Variants in OBSL1 observed in about 807,000 individuals in gnomAD.
OBSL1 encodes obscurin like cytoskeletal adaptor 1.
OBSL1 carries 160 observed loss-of-function variants against 172.0 expected under a neutral mutation model. The ratio of observed to expected loss-of-function variants is 0.93; its 90% CI spans 0.82 to 1.06. OBSL1 has a LOEUF of 1.06. OBSL1 is among the 50% of genes least tolerant of loss of function. The probability of loss-of-function intolerance (pLI) is 0.00; values close to 1 mark genes in which losing one functional copy is unlikely to be tolerated. For missense variants in OBSL1, 2,681 were observed against 2,715.4 expected, an observed-to-expected ratio of 0.99 and a Z score of 0.28; for synonymous variants, 1,200 against 1,196.3, an observed-to-expected ratio of 1.00 and a Z score of -0.06.
Position 219,552,876 on chromosome 2 carries a change from G to A in OBSL1, c.5138C>T (p.Thr1713Ile). 6.5e-7 allele frequency: 1 copy of A among 1,542,606 alleles called. No individual in the cohort carries two copies. Among genetic ancestry groups the A allele is most frequent in the Admixed American group, 2.0e-5 (1 of 50,860 alleles). Residue 1713 changes from threonine to isoleucine, a missense_variant, in exon 17 of 21, where the codon ACC becomes ATC. Coordinates refer to ENST00000404537, the MANE Select transcript of OBSL1 (RefSeq NM_015311.3). ...CATCACCCCGTACCCACCGCGCACG[G>A]TCAGGCGGACCGGTCCGGCGCGGGC... The part of the protein sequence containing the change: ...GTARAGPVRL[T>I]VRERTVAVLS...
At chr2:219,549,197 G>T, downstream of OBSL1, 1 of 1,613,966 alleles carries the variant, frequency 6.2e-7, no homozygotes, top group South Asian at 1.1e-5. Flanking sequence ...ATGCGGATTC[G>T]GCAGCAGGAA....
chr2:219,549,931 C>T (rs1216736370), downstream of OBSL1: 9 of 1,559,140 alleles, frequency 5.8e-6, no homozygotes, highest in Admixed American at 1.6e-4. Context: ...CACTCAGCCT[C>T]CTGGCTTTGG....
Position 219,563,520 on chromosome 2 carries a change from G to A in OBSL1, c.2515C>T (p.Arg839Cys), listed in dbSNP as rs767675273. The A allele has an allele frequency of 5.0e-6, 8 of 1,613,810 alleles. No homozygotes were observed. The highest frequency in any genetic ancestry group is 2.2e-5 in the South Asian group (2 of 91,074). Residue 839 changes from arginine to cysteine, a missense_variant, in exon 7 of 21, where the codon CGT (arginine) becomes TGT (cysteine). Arg to Cys is a radical substitution (Grantham distance 180, BLOSUM62 -3). This residue lies in a region of OBSL1 where 1,765 missense variants were observed against 1,748.3 expected (regional missense o/e 1.01). Transcript: ENST00000404537. ...CEVDREDAPV[R>C]WYKDGQEVEE... Reference sequence around the variant, plus strand: ...ACCTCCTGCCCGTCCTTGTACCAACGCACAGGGGCGTCCTCTCGGTCCACC... The same window carrying A: ...ACCTCCTGCCCGTCCTTGTACCAACACACAGGGGCGTCCTCTCGGTCCACC...
intron 4 of OBSL1, 24 bp from the exon 5 acceptor site, chr2:219,567,150 T>C (rs777454910): frequency 6.2e-7 from 1 of 1,608,244 alleles, no homozygotes; most frequent in Non-Finnish European, 8.5e-7. Flanking sequence ...AGAGTGCAGC[T>C]GTCAGAACTA....
At position 219,571,346 on chromosome 2, in the gene OBSL1, G is replaced by A; in HGVS notation, c.-114C>T. 1 of 628,504 alleles carries A rather than the reference G, an allele frequency of 1.6e-6. No homozygotes were observed. Among genetic ancestry groups the A allele is most frequent in the Non-Finnish European group, 2.2e-6 (1 of 445,736 alleles). 38.9% of individuals were successfully genotyped at this position (628,504 alleles called of 1,614,324 possible). ...GGCGCGGCTGGGGACTGGGCGCGGGGACCCGCGGAGCTCTCCCGGGCCTCC... is the reference window on the plus strand; with the variant it reads ...GGCGCGGCTGGGGACTGGGCGCGGGAACCCGCGGAGCTCTCCCGGGCCTCC... On this transcript the variant is annotated 5_prime_UTR_variant, in exon 1 of 21. Transcript: ENST00000404537.
intron 8 of OBSL1, among the ~76,000 whole-genome samples, chr2:219,559,853 C>A (rs2129641): frequency 0.41 from 61,645 of 152,002 alleles, 12,870 homozygotes; most frequent in Admixed American, 0.48. Context: ...CAGATACAAG[C>A]ATATATCTAT....
intron 19 of OBSL1, 69 bp downstream of exon 19, chr2:219,552,043 A>G: frequency 6.9e-7 from 1 of 1,448,084 alleles, no homozygotes; most frequent in Non-Finnish European, 9.5e-7. Context: ...GGCCAGCCCC[A>G]AGTCCGTCAG....
downstream of OBSL1, chr2:219,550,021 G>A: frequency 2.1e-6 from 2 of 941,738 alleles, 1 homozygote; most frequent in South Asian, 3.7e-5. Context: ...TGGCCTGAGA[G>A]GAAAGCCCCC....
In OBSL1 at chr2:219,565,533, A is replaced by G. The variant is rs1017296186; in HGVS notation, c.2135-19T>C. 1 of 1,598,440 alleles carries G rather than the reference A, an allele frequency of 6.3e-7. No individual in the cohort carries two copies. Among genetic ancestry groups the G allele is most frequent in the Non-Finnish European group, 8.5e-7 (1 of 1,175,842 alleles). ...GGGCTCTCTGTGTGGGGAGAAGTAC[A>G]GATAAGCACCCCTCCCTCCGGTGCA... On this transcript the variant is annotated intron_variant, in intron 5 of 20. Transcript: ENST00000404537.
chr2:219,558,319 C>T lies in OBSL1; in HGVS notation c.3367G>A (p.Ala1123Thr). 1.2e-6 allele frequency: 2 copies of T among 1,612,720 alleles called. No homozygotes were observed. Among genetic ancestry groups the T allele is most frequent in the South Asian group, 1.1e-5 (1 of 90,854 alleles). Reference protein sequence around the residue: ...RWYKDGLEVEASDALQLGAEG... With the variant: ...RWYKDGLEVETSDALQLGAEG... ...GCACCCAGCTGCAGGGCATCTGATG[C>T]CTCCACTTCCAGCCCGTCCTTGTAC... Residue 1123 changes from alanine (A) to threonine (T), a missense_variant, in exon 10 of 21, where the codon GCA (alanine) becomes ACA (threonine). Around this residue, in one of 5 missense-constraint regions of OBSL1, gnomAD observed 1,765 missense variants for 1,748.3 expected, o/e 1.01. Transcript: ENST00000404537.
Position 219,570,335 on chromosome 2 carries a change from C to G in OBSL1, c.898G>C (p.Gly300Arg). Residue 300 changes from glycine (G) to arginine (R), a missense_variant, in exon 1 of 21, where the codon GGC becomes CGC. Gly to Arg is a moderately radical substitution (Grantham distance 125, BLOSUM62 -2). Coordinates refer to ENST00000404537, the MANE Select transcript of OBSL1 (RefSeq NM_015311.3). ...TAAAGCACCTTGAGCACGAAGCCGC[C>G]GTCGCGGTCGCGGTACATGAGGCGG... ...RRRLMYRDRD[G>R]GFVLKVLYCQ... 6.2e-7 allele frequency: 1 copy of G among 1,612,242 alleles called. No individual in the cohort carries two copies. The highest frequency in any genetic ancestry group is 8.5e-7 in the Non-Finnish European group (1 of 1,179,060).
chr2:219,559,668 G>T, intron 8 of OBSL1, 171 bp from the exon 9 acceptor site: 1 of 618,456 alleles, frequency 1.6e-6, no homozygotes, highest in Non-Finnish European at 2.7e-6. Context: ...GGGCCAGAGG[G>T]TGTTACAGAA....
intron 8 of OBSL1, chr2:219,561,933 C>T (rs1008041879): frequency 2.8e-6 from 2 of 717,472 alleles, no homozygotes; most frequent in East Asian, 2.7e-5. Context: ...GGACCAGAGC[C>T]GCCGGGTCTT....
In OBSL1 at chr2:219,556,112, C is replaced by T. The variant is rs745541555; in HGVS notation, c.4517G>A (p.Arg1506His). 25 of 1,613,792 alleles carry T rather than the reference C, an allele frequency of 1.5e-5. No individual in the cohort carries two copies. Among genetic ancestry groups the T allele is most frequent in the Admixed American group, 1.2e-4 (7 of 60,004 alleles). The change falls in exon 14 of 21, where the codon CGC becomes CAC. Residue 1506 changes from arginine to histidine, a missense_variant. By Grantham distance (29) the Arg-to-His change is conservative (BLOSUM62 0). Around this residue, in one of 5 missense-constraint regions of OBSL1, gnomAD observed 1,765 missense variants for 1,748.3 expected, o/e 1.01. Transcript: ENST00000404537. ...LSMAQDGHIH[R>H]LFIHGVILAD... ...CAGTATGACACCATGGATGAAGAGG[C>T]GGTGGATGTGCCCATCCTGGGCCAT...
In OBSL1 at chr2:219,557,530, G is replaced by C; in HGVS notation, c.3879C>G (p.Leu1293=). ...PGGDLELVVH[L]SGPGGPVRWY... is the part of the protein sequence containing the mutation. Reference sequence around the variant, plus strand: ...AGCGTACAGGGCCCCCTGGCCCGGAGAGGTGCACCACCAGCTCTAGGTCCC... The same window carrying C: ...AGCGTACAGGGCCCCCTGGCCCGGACAGGTGCACCACCAGCTCTAGGTCCC... The change falls in exon 12 of 21, where the codon CTC becomes CTG. Residue 1293 remains leucine (L), a synonymous_variant. Transcript: ENST00000404537. 1 of 1,552,782 alleles carries C rather than the reference G, an allele frequency of 6.4e-7. No individual in the cohort carries two copies. Among genetic ancestry groups the C allele is most frequent in the Non-Finnish European group, 8.7e-7 (1 of 1,148,652 alleles).
chr2:219,547,586 G>C, downstream of OBSL1: 2 of 1,470,440 alleles, frequency 1.4e-6, no homozygotes, highest in Non-Finnish European at 9.0e-7. Flanking sequence ...CTGCTACCGA[G>C]AGCGGGTGCT....
rs1282218612 is a variant in OBSL1 at position 219,553,555 on chromosome 2, G to C, written c.4989+19C>G. 5 of 1,585,024 alleles carry C rather than the reference G, an allele frequency of 3.2e-6. No individual in the cohort carries two copies. Among genetic ancestry groups the C allele is most frequent in the Non-Finnish European group, 3.5e-6 (4 of 1,155,260 alleles). On this transcript the variant is annotated intron_variant, in intron 16 of 20. Transcript: ENST00000404537. ...TTGGTGTTACACTGAAGTGGGCTTG[G>C]CTGGGGCTGGGATCTGACCTTCTCC...
In OBSL1 at chr2:219,556,742, C is replaced by A. The variant is rs749807935; in HGVS notation, c.4067-19G>T. 1 of 1,580,664 alleles carries A rather than the reference C, an allele frequency of 6.3e-7. No individual in the cohort carries two copies. The highest frequency in any genetic ancestry group is 1.1e-5 in the South Asian group (1 of 87,228). On this transcript the variant is annotated intron_variant, in intron 12 of 20. Coordinates refer to ENST00000404537, the MANE Select transcript of OBSL1 (RefSeq NM_015311.3). Reference sequence around the variant, plus strand: ...AGTGGCTCTAAGGGGCACGGTAAGGCAGTGAGCTGGGCTGAGTCTTTTCTT... The same window carrying A: ...AGTGGCTCTAAGGGGCACGGTAAGGAAGTGAGCTGGGCTGAGTCTTTTCTT...
At position 219,557,373 on chromosome 2, in the gene OBSL1, C is replaced by T. The variant is rs1476606276; in HGVS notation, c.4036G>A (p.Asp1346Asn). 2 of 1,528,428 alleles carry T rather than the reference C, an allele frequency of 1.3e-6. No homozygotes were observed. The highest frequency in any genetic ancestry group is 8.8e-7 in the Non-Finnish European group (1 of 1,134,428). The allele number at this position is 1,528,428 out of a possible 1,614,324, so 94.7% of individuals were successfully genotyped here. ...ACGCTGACAAGGAAGATGCGGCTGTCCTGGGGCGCATCGCACAGGTACTCC... is the reference window on the plus strand; with the variant it reads ...ACGCTGACAAGGAAGATGCGGCTGTTCTGGGGCGCATCGCACAGGTACTCC... The part of the protein sequence containing the change: ...AGEYLCDAPQ[D>N]SRIFLVSVEE... Residue 1346 changes from aspartate to asparagine, a missense_variant, in exon 12 of 21, where the codon GAC becomes AAC. By Grantham distance (23) the Asp-to-Asn change is conservative (BLOSUM62 1). Coordinates refer to ENST00000404537, the MANE Select transcript of OBSL1 (RefSeq NM_015311.3).
Sources: gnomAD v4.1 joint callset for allele counts (sites outside exome capture counted in the v4.1 genomes callset) on GRCh38, gnomAD v4.1.1 for gene constraint, gnomAD v4.1.1 regional missense constraint, MANE v1.5 for transcripts, NCBI Gene and HGNC (gene_info 2026-07-23, HGNC 2026-07-21) for gene names.